Variants in NLGN1 observed in about 807,000 individuals in gnomAD.
NLGN1 encodes the protein neuroligin 1, also known as neuroligin-1.
In NLGN1, 12 loss-of-function variants were observed where a neutral mutation model predicts 65.5. That is an observed-to-expected ratio of 0.18 (90% confidence interval 0.12 to 0.30). NLGN1 has a LOEUF of 0.30. Among genes scored for constraint, NLGN1 ranks in the 10% least tolerant of loss-of-function variants. The probability of loss-of-function intolerance (pLI) is 1.00; values close to 1 mark genes in which losing one functional copy is unlikely to be tolerated. For synonymous variants in NLGN1, 350 were observed against 359.5 expected (o/e 0.97, Z 0.30); for missense variants, 750 against 1,007.1 (o/e 0.74, Z 3.46).
intron 4 of NLGN1, among the ~76,000 whole-genome samples, chr3:173,882,940 A>T (rs1207127842): frequency 6.8e-6 from 1 of 146,936 alleles, no homozygotes; most frequent in Non-Finnish European, 1.5e-5. Context: ...TCTTCATTCC[A>T]CTTGAACGCT....
chr3:173,820,674 G>A (rs1016979855), intron 4 of NLGN1, among the ~76,000 whole-genome samples: 6 of 152,106 alleles, frequency 3.9e-5, no homozygotes, highest in African/African-American at 1.4e-4. Flanking sequence ...TAACAGTTAT[G>A]TAAATCTAGT....
chr3:174,045,882 A>G (rs75550422), intron 4 of NLGN1, among the ~76,000 whole-genome samples: 10,853 of 152,232 alleles, frequency 0.071, 690 homozygotes, highest in African/African-American at 0.16. Context: ...AACAAAACAG[A>G]CATTTCAGTC....
intron 4 of NLGN1, among the ~76,000 whole-genome samples, chr3:173,985,652 T>TA (rs1280332812): frequency 6.6e-6 from 1 of 152,142 alleles, no homozygotes; most frequent in African/African-American, 2.4e-5. Flanking sequence ...AAAGTATTTT[T>TA]AAAAAAGAAA....
chr3:173,551,655 T>G (rs1269384272), intron 2 of NLGN1, among the ~76,000 whole-genome samples: 1 of 152,188 alleles, frequency 6.6e-6, no homozygotes, highest in African/African-American at 2.4e-5. Context: ...GAGAAAACTT[T>G]TTATGGAGTA....
chr3:173,864,924 A>G (rs1182755548), intron 4 of NLGN1, among the ~76,000 whole-genome samples: 4 of 152,190 alleles, frequency 2.6e-5, no homozygotes, highest in Non-Finnish European at 5.9e-5. Context: ...TTAGGGGGAA[A>G]AATACGGTTT....
chr3:173,718,107 G>T (rs1221572875), intron 3 of NLGN1, among the ~76,000 whole-genome samples: 1 of 151,956 alleles, frequency 6.6e-6, no homozygotes. Flanking sequence ...AGGGTATTTC[G>T]TATATCCATC....
intron 3 of NLGN1, among the ~76,000 whole-genome samples, chr3:173,698,852 TTTG>T (rs1029986583): frequency 4.6e-5 from 7 of 151,220 alleles, no homozygotes; most frequent in African/African-American, 1.7e-4. Context: ...AGGAATTTTT[TTTG>T]TTGTTTGTTT....
exon 7 of NLGN1, chr3:174,281,267 TCCCCAC>T (rs780435903): frequency 9.4e-6 from 15 of 1,596,554 alleles, no homozygotes; most frequent in African/African-American, 1.3e-5. Context: ...CCCATCCCCA[TCCCCAC>T]CCCCATTCAC....
intron 4 of NLGN1, among the ~76,000 whole-genome samples, chr3:173,953,258 G>A (rs1748570459): frequency 6.6e-6 from 1 of 152,044 alleles, no homozygotes; most frequent in South Asian, 2.1e-4. Flanking sequence ...ATTATATTAG[G>A]TTCTCTTATC....
intron 3 of NLGN1, among the ~76,000 whole-genome samples, chr3:173,771,566 AC>A (rs1779580792): frequency 6.6e-6 from 1 of 152,014 alleles, no homozygotes; most frequent in South Asian, 2.1e-4. Context: ...AATAACTAAC[AC>A]CTTGAATTGT....
intron 2 of NLGN1, among the ~76,000 whole-genome samples, chr3:173,538,749 G>A (rs1383756763): frequency 6.6e-6 from 1 of 152,088 alleles, no homozygotes; most frequent in Non-Finnish European, 1.5e-5. Flanking sequence ...TTCAACCCTA[G>A]GTAATTGCGG....
chr3:173,675,541 T>A (rs1258967990), intron 3 of NLGN1, among the ~76,000 whole-genome samples: 1 of 152,094 alleles, frequency 6.6e-6, no homozygotes, highest in Non-Finnish European at 1.5e-5. Context: ...TGCTTGCTAA[T>A]AGGAAGAGAT....
intron 4 of NLGN1, among the ~76,000 whole-genome samples, chr3:174,180,295 T>G (rs1380687656): frequency 6.6e-6 from 1 of 152,178 alleles, no homozygotes; most frequent in Admixed American, 6.5e-5. Flanking sequence ...GCTTTGTAGC[T>G]TCCTCACTTT....
intron 4 of NLGN1, among the ~76,000 whole-genome samples, chr3:174,151,099 A>G (rs1724247597): frequency 6.6e-6 from 1 of 151,858 alleles, no homozygotes; most frequent in Non-Finnish European, 1.5e-5. Flanking sequence ...AAATGTGTAT[A>G]CCTAACAGAG....
intron 3 of NLGN1, among the ~76,000 whole-genome samples, chr3:173,657,794 C>A (rs1233557123): frequency 6.6e-6 from 1 of 151,614 alleles, no homozygotes; most frequent in Non-Finnish European, 1.5e-5. Context: ...GGAAGGAAGC[C>A]AAAATTAATG....
intron 3 of NLGN1, among the ~76,000 whole-genome samples, chr3:173,678,548 C>G (rs1236573495): frequency 2.0e-5 from 3 of 151,976 alleles, no homozygotes; most frequent in African/African-American, 7.2e-5. Context: ...ACAGAAAGAT[C>G]CACATCATGG....
chr3:173,792,262 C>T (rs1420561605), intron 3 of NLGN1, among the ~76,000 whole-genome samples: 4 of 152,120 alleles, frequency 2.6e-5, no homozygotes. Context: ...GTGAGACCCA[C>T]TCAGAAAACA....
chr3:173,437,833 T>C (rs1718420130), intron 2 of NLGN1, among the ~76,000 whole-genome samples: 1 of 151,802 alleles, frequency 6.6e-6, no homozygotes, highest in Admixed American at 6.6e-5. Context: ...TGTATTGTGT[T>C]ACAGACAAAG....
intron 2 of NLGN1, among the ~76,000 whole-genome samples, chr3:173,463,352 C>T (rs1033886574): frequency 3.9e-5 from 6 of 152,100 alleles, no homozygotes; most frequent in South Asian, 2.1e-4. Flanking sequence ...TTAATTGTAA[C>T]GCTGTGTTTT....
Sources: allele counts gnomAD v4.1 joint callset (sites outside exome capture counted in the v4.1 genomes callset), GRCh38; gene constraint gnomAD v4.1.1; transcripts MANE v1.5; gene names NCBI Gene and HGNC (gene_info 2026-07-23, HGNC 2026-07-21).